CDKL3: variants seen among roughly 807,000 people sequenced by gnomAD.
CDKL3 encodes cyclin-dependent kinase-like 3.
CDKL3 carries 65 observed loss-of-function variants against 69.3 expected under a neutral mutation model. The observed-to-expected ratio is 0.94, with a 90% CI of 0.77 to 1.15. The LOEUF (loss-of-function observed/expected upper bound fraction) is 1.15. Among genes scored for constraint, CDKL3 ranks in the 50% most tolerant of loss-of-function variants. The probability of loss-of-function intolerance (pLI) is 0.00; values close to 1 mark genes in which losing one functional copy is unlikely to be tolerated. For synonymous variants in CDKL3, 202 were observed against 221.6 expected, an observed-to-expected ratio of 0.91 and a Z score of 0.79; for missense variants, 652 against 689.2, an observed-to-expected ratio of 0.95 and a Z score of 0.61.
At chr5:134,295,021 T>C (rs1379877696), downstream of CDKL3, among the ~76,000 whole-genome samples, 1 of 144,078 alleles carries the variant, frequency 6.9e-6, no homozygotes, top group South Asian at 2.3e-4. Flanking sequence ...CTTTTTTTTT[T>C]TTTTTTTTTT....
chr5:134,348,116 G>A (rs1274092860), intron 4 of CDKL3, among the ~76,000 whole-genome samples: 1 of 152,178 alleles, frequency 6.6e-6, no homozygotes, highest in Admixed American at 6.5e-5. Context: ...GGCCAGGCCT[G>A]GTGGCTCACA....
intron 6 of CDKL3, chr5:134,319,095 C>T (rs1322055317): frequency 1.2e-5 from 3 of 240,684 alleles, no homozygotes; most frequent in South Asian, 1.2e-4. Context: ...CCGAGGTGGG[C>T]GGATCACCTA....
At chr5:134,347,977 G>A (rs1752364361) in intron 4 of CDKL3, among the ~76,000 whole-genome samples, 1 of 152,100 alleles carries the variant, frequency 6.6e-6, no homozygotes, top group African/African-American at 2.4e-5. Context: ...TGAATACACT[G>A]TAAACCACTT....
intron 4 of CDKL3, among the ~76,000 whole-genome samples, chr5:134,339,679 T>C (rs1749965892): frequency 6.6e-6 from 1 of 152,172 alleles, no homozygotes; most frequent in Non-Finnish European, 1.5e-5. Flanking sequence ...GGACCATAAA[T>C]AAACCTCAGT....
downstream of CDKL3, among the ~76,000 whole-genome samples, chr5:134,294,678 G>C (rs1765270578): frequency 6.6e-6 from 1 of 151,852 alleles, no homozygotes; most frequent in Non-Finnish European, 1.5e-5. Context: ...AGGAAGGTAG[G>C]AAGGAAGGAA....
At chr5:134,351,945 T>G (rs1733272305) in intron 3 of CDKL3, among the ~76,000 whole-genome samples, 1 of 152,136 alleles carries the variant, frequency 6.6e-6, no homozygotes, top group Non-Finnish European at 1.5e-5. Flanking sequence ...AAGAATACAA[T>G]CATTGTTATT....
chr5:134,322,006 G>A (rs1269620616), intron 4 of CDKL3, 103 bp from the exon 5 acceptor site: 5 of 681,282 alleles, frequency 7.3e-6, no homozygotes, highest in Non-Finnish European at 7.6e-6. Context: ...GAAACAAGTA[G>A]TATCATTTTA....
intron 4 of CDKL3, among the ~76,000 whole-genome samples, chr5:134,324,838 A>T (rs897947707): frequency 2.5e-4 from 38 of 152,366 alleles, no homozygotes; most frequent in Middle Eastern, 3.4e-3. Context: ...AAACTATGGA[A>T]TTTAGTTAAT....
chr5:134,367,818 C>T (rs1757811860), upstream of CDKL3, among the ~76,000 whole-genome samples: 1 of 152,174 alleles, frequency 6.6e-6, no homozygotes, highest in East Asian at 1.9e-4. Flanking sequence ...TCGAAGAGTT[C>T]CACCATATAC....
Position 134,336,150 on chromosome 5 carries a change from C to T in CDKL3, c.539+14099G>A, listed in dbSNP as rs186538483. Among the ~76,000 whole-genome samples, 729 of 152,232 alleles carry T rather than the reference C, an allele frequency of 4.8e-3. 7 individuals carry two copies. The highest frequency in any genetic ancestry group is 0.017 in the African/African-American group (690 of 41,526). ...CTTGTGTATGCTTCATGAAGTTTTT[C>T]GTACTGTGGTTTTCAGCTCCATCAG... On this transcript the variant is annotated intron_variant, in intron 4 of 12. Coordinates refer to ENST00000265334, the MANE Select transcript of CDKL3 (RefSeq NM_001113575.2).
intron 4 of CDKL3, among the ~76,000 whole-genome samples, chr5:134,323,109 T>C (rs1773231886): frequency 6.6e-6 from 1 of 152,098 alleles, no homozygotes; most frequent in Non-Finnish European, 1.5e-5. Flanking sequence ...AATGGAGAGA[T>C]ACTCCATGTT....
chr5:134,360,659 T>C (rs1429532854), intron 2 of CDKL3, among the ~76,000 whole-genome samples: 1 of 152,222 alleles, frequency 6.6e-6, no homozygotes, highest in Non-Finnish European at 1.5e-5. Flanking sequence ...TAAAATAATT[T>C]AATGTACTAT....
At chr5:134,330,009 CAA>C (rs202065125) in intron 4 of CDKL3, among the ~76,000 whole-genome samples, 1 of 113,078 alleles carries the variant, frequency 8.8e-6, no homozygotes. Flanking sequence ...GACCCTGTCT[CAA>C]AAAAAAAAAA....
intron 4 of CDKL3, among the ~76,000 whole-genome samples, chr5:134,340,580 A>C (rs557080175): frequency 2.6e-5 from 4 of 152,210 alleles, no homozygotes; most frequent in Non-Finnish European, 5.9e-5. Context: ...AGGAATACAT[A>C]ATTGTTTGCC....
At chr5:134,315,887 G>GA (rs759622822) in intron 6 of CDKL3, among the ~76,000 whole-genome samples, 2 of 152,052 alleles carry the variant, frequency 1.3e-5, no homozygotes, top group African/African-American at 4.8e-5. Flanking sequence ...ATATTTCTGT[G>GA]AAAAAAACAG....
chr5:134,287,320 T>C (rs1230495017), intron 8 of CDKL3, among the ~76,000 whole-genome samples: 2 of 152,188 alleles, frequency 1.3e-5, no homozygotes, highest in Non-Finnish European at 2.9e-5. Context: ...CTGACTCAAT[T>C]ATTTAATGGA....
intron 3 of CDKL3, among the ~76,000 whole-genome samples, chr5:134,350,918 A>T: frequency 6.6e-6 from 1 of 152,008 alleles, no homozygotes; most frequent in East Asian, 1.9e-4. Context: ...CCTATGTCTC[A>T]CTCCAGTTCC....
Position 134,308,743 on chromosome 5 carries a change from A to G in CDKL3, c.882-16T>C. The G allele has an allele frequency of 6.4e-7, 1 of 1,568,504 alleles. No homozygotes were observed. The highest frequency in any genetic ancestry group is 2.3e-5 in the East Asian group (1 of 44,444). On this transcript the variant is annotated splice_polypyrimidine_tract_variant and intron_variant, in intron 7 of 12. Coordinates refer to ENST00000265334, the MANE Select transcript of CDKL3 (RefSeq NM_001113575.2). The stretch of plus-strand genomic sequence containing the variant: ...TGGCATGAATCTGACAAAACAAGCA[A>G]TATCAACGAGTAATCTTTTTATATA...
chr5:134,293,195 T>C (rs1765201761), intron 8 of CDKL3, among the ~76,000 whole-genome samples: 1 of 151,718 alleles, frequency 6.6e-6, no homozygotes, highest in Admixed American at 6.6e-5. Context: ...TAATTTTGTA[T>C]TTTTAGTAGG....
Sources: allele counts gnomAD v4.1 joint callset (sites outside exome capture counted in the v4.1 genomes callset), GRCh38; gene constraint gnomAD v4.1.1; transcripts MANE v1.5; gene names NCBI Gene and HGNC (gene_info 2026-07-23, HGNC 2026-07-21).